Variants in ARMCX6 observed in about 807,000 individuals in gnomAD.
The protein encoded by ARMCX6 is protein ARMCX6.
For synonymous variants in ARMCX6, 85 were observed against 70.3 expected, an observed-to-expected ratio of 1.21 and a Z score of -1.05; for missense variants, 194 against 186.0, an observed-to-expected ratio of 1.04 and a Z score of -0.25.
rs782430383 is a variant in ARMCX6, at chrX:101,616,642, G to C, written c.-22C>G. The C allele has an allele frequency of 9.2e-6, 11 of 1,195,274 alleles. No homozygotes were observed. Among genetic ancestry groups the C allele is most frequent in the Admixed American group, 2.2e-5 (1 of 45,132 alleles). Reference sequence around the variant, plus strand: ...CCATGCTCAAGTCTGTGCCAGCCTTGGGGCAGGACAGGAGAGGGCCTTGCT... The same window carrying C: ...CCATGCTCAAGTCTGTGCCAGCCTTCGGGCAGGACAGGAGAGGGCCTTGCT... On this transcript the variant is annotated 5_prime_UTR_variant, in exon 3 of 3. Transcript: ENST00000361910.
At position 101,616,116 on chromosome X, in the gene ARMCX6, T is replaced by C. The variant is rs372992156; in HGVS notation, c.505A>G (p.Thr169Ala). Residue 169 changes from threonine to alanine, a missense_variant, in exon 3 of 3, where the codon ACT (threonine) becomes GCT (alanine). By Grantham distance (58) the Thr-to-Ala change is moderately conservative. Coordinates refer to ENST00000361910, the MANE Select transcript of ARMCX6 (RefSeq NM_019007.4). Reference protein sequence around the residue: ...SLSMARNTSPTPDPTVREALC... With the variant: ...SLSMARNTSPAPDPTVREALC... ...GCCTCTCTAACAGTGGGGTCTGGAGTGGGGCTCGTGTTTCTAGCCATTGAG... is the reference window on the plus strand; with the variant it reads ...GCCTCTCTAACAGTGGGGTCTGGAGCGGGGCTCGTGTTTCTAGCCATTGAG... 9.5e-5 allele frequency: 112 copies of C among 1,172,838 alleles called. No homozygotes were observed. The highest frequency in any genetic ancestry group is 1.2e-4 in the Non-Finnish European group (104 of 877,955).
Position 101,616,475 on chromosome X carries a change from T to C in ARMCX6, c.146A>G (p.Gln49Arg). 2 of 1,211,761 alleles carry C rather than the reference T, an allele frequency of 1.7e-6. No individual in the cohort carries two copies. Among genetic ancestry groups the C allele is most frequent in the Non-Finnish European group, 2.2e-6 (2 of 895,441 alleles). Residue 49 changes from glutamine (Q) to arginine (R), a missense_variant, in exon 3 of 3, where the codon CAG becomes CGG. Gln to Arg is a conservative substitution (Grantham distance 43). Transcript: ENST00000361910. ...EEGEEEWDDD[Q>R]ELDEEEPDIW... ...ATCAGGCTCCTCCTCATCCAGCTCC[T>C]GGTCATCGTCCCACTCCTCTTCCCC...
At position 101,616,143 on chromosome X, in the gene ARMCX6, G is replaced by A. The variant is rs1452916689; in HGVS notation, c.478C>T (p.Leu160Phe). 2 of 1,193,044 alleles carry A rather than the reference G, an allele frequency of 1.7e-6. No individual in the cohort carries two copies. The highest frequency in any genetic ancestry group is 1.9e-5 in the African/African-American group (1 of 52,534). ...SQDINSHLAS[L>F]SMARNTSPTP... ...GGGCTCGTGTTTCTAGCCATTGAGAGGCTGGCCAAATGGCTATTGATATCC... is the reference window on the plus strand; with the variant it reads ...GGGCTCGTGTTTCTAGCCATTGAGAAGCTGGCCAAATGGCTATTGATATCC... The change falls in exon 3 of 3, where the codon CTC (leucine) becomes TTC (phenylalanine). Residue 160 changes from leucine to phenylalanine, a missense_variant. Physicochemically the swap from Leu to Phe is conservative, Grantham distance 22 (BLOSUM62 0). Transcript: ENST00000361910.
rs781974632 is a variant in ARMCX6, at chrX:101,616,198, C to A, written c.423G>T (p.Glu141Asp). ...TAAATGGAAAGCCCGCATCCTTGGGCTCGGCAAACAACAGTTTTCCCTGAA... is the reference window on the plus strand; with the variant it reads ...TAAATGGAAAGCCCGCATCCTTGGGATCGGCAAACAACAGTTTTCCCTGAA... ...LFIQGKLLFA[E>D]PKDAGFPFSQ... The change falls in exon 3 of 3, where the codon GAG becomes GAT. Residue 141 changes from glutamate to aspartate, a missense_variant. Physicochemically the swap from Glu to Asp is conservative, Grantham distance 45. Transcript: ENST00000361910. The A allele has an allele frequency of 2.5e-6, 3 of 1,210,112 alleles. No individual in the cohort carries two copies. The highest frequency in any genetic ancestry group is 3.4e-6 in the Non-Finnish European group (3 of 895,202).
At chrX:101,616,789 G>A (rs1935824064) in intron 2 of ARMCX6, 23 bp from the exon 3 acceptor site, 5 of 943,044 alleles carry the variant, frequency 5.3e-6, no homozygotes, top group Non-Finnish European at 7.0e-6. Flanking sequence ...CAGAGTATTA[G>A]GGCTCGGGAC....
Position 101,616,321 on chromosome X carries a change from T to C in ARMCX6, c.300A>G (p.Ile100Met). The stretch of plus-strand genomic sequence containing the variant: ...GTTCATAGGGGAATGGCCGCTGTTT[T>C]ATTGGGTGTGCTCGGTTGGCCTTGC... ...GGGKANRAHPIKQRPFPYEHK... is the reference protein window; with the variant it reads ...GGGKANRAHPMKQRPFPYEHK... Residue 100 changes from isoleucine (I) to methionine (M), a missense_variant, in exon 3 of 3, where the codon ATA becomes ATG. Coordinates refer to ENST00000361910, the MANE Select transcript of ARMCX6 (RefSeq NM_019007.4). 7.4e-6 allele frequency: 9 copies of C among 1,211,876 alleles called. No homozygotes were observed. The highest frequency in any genetic ancestry group is 1.0e-5 in the Non-Finnish European group (9 of 895,556).
Position 101,616,836 on chromosome X carries a change from T to G in ARMCX6, c.-146-70A>C. On this transcript the variant is annotated intron_variant, in intron 2 of 2. Transcript: ENST00000361910. ...TTGTGCCTCACAGACAGGGTGGATT[T>G]CGAGTTGGTGATAAAGGCAGATTAA... 5.2e-6 allele frequency: 3 copies of G among 579,404 alleles called. No individual in the cohort carries two copies. In the South Asian group the frequency reaches 1.9e-4, roughly 36 times the overall value. The allele number at this position is 579,404 out of a possible 1,213,427, so 47.7% of individuals were successfully genotyped here. A position where few individuals can be genotyped will look rare whatever the true frequency, so the allele number is the denominator to read the frequency against.
rs1368009523 is a variant in ARMCX6 at position 101,616,566 on chromosome X, C to T, written c.55G>A (p.Gly19Ser). The part of the protein sequence containing the change: ...WMAAGLMIGA[G>S]ACYCVYKLTI... ...AGTTTGTAAACGCAGTAGCAGGCACCAGCCCCAATCATCAGTCCTGCCGCC... is the reference window on the plus strand; with the variant it reads ...AGTTTGTAAACGCAGTAGCAGGCACTAGCCCCAATCATCAGTCCTGCCGCC... Residue 19 changes from glycine (G) to serine (S), a missense_variant, in exon 3 of 3, where the codon GGT becomes AGT. Coordinates refer to ENST00000361910, the MANE Select transcript of ARMCX6 (RefSeq NM_019007.4). 62 of 1,210,568 alleles carry T rather than the reference C, an allele frequency of 5.1e-5. No homozygotes were observed. The highest frequency in any genetic ancestry group is 6.7e-5 in the Non-Finnish European group (60 of 895,284).
chrX:101,616,683 GGTCTCTCA>G lies in ARMCX6; in HGVS notation c.-71_-64del. 1 of 1,157,848 alleles carries G rather than the reference GGTCTCTCA, an allele frequency of 8.6e-7. No homozygotes were observed. On this transcript the variant is annotated 5_prime_UTR_variant, in exon 3 of 3. Coordinates refer to ENST00000361910, the MANE Select transcript of ARMCX6 (RefSeq NM_019007.4). ...GGGCCTTGCTCCACCTGATTGAAGA[GGTCTCTCA>G]GGTCCAGGGTGAGTAAGGATGGAGG...
chrX:101,615,947 A>G lies in ARMCX6; in HGVS notation c.674T>C (p.Met225Thr), dbSNP rs1556035548. ...QQAGLNLLIS[M>T]TVINNMLAKS... The stretch of plus-strand genomic sequence containing the variant: ...GGCAAGCATGTTATTAATAACTGTC[A>G]TGCTTATTAACAAATTTAATCCGGC... The change falls in exon 3 of 3, where the codon ATG (methionine) becomes ACG (threonine). Residue 225 changes from methionine to threonine, a missense_variant. Physicochemically the swap from Met to Thr is moderately conservative, Grantham distance 81. Transcript: ENST00000361910. 8.4e-6 allele frequency: 4 copies of G among 476,057 alleles called. No homozygotes were observed. The highest frequency in any genetic ancestry group is 3.2e-6 in the Non-Finnish European group (1 of 315,113). The allele number at this position is 476,057 out of a possible 1,213,427, so 39.2% of individuals were successfully genotyped here. A position where few individuals can be genotyped will look rare whatever the true frequency, so the allele number is the denominator to read the frequency against.
At position 101,616,404 on chromosome X, in the gene ARMCX6, C is replaced by T; in HGVS notation, c.217G>A (p.Gly73Arg). Residue 73 changes from glycine (G) to arginine (R), a missense_variant, in exon 3 of 3, where the codon GGG becomes AGG. Physicochemically the swap from Gly to Arg is moderately radical, Grantham distance 125 (BLOSUM62 -2). Transcript: ENST00000361910. ...GGGGCCCCAGGTTCAGTCCAATCCC[C>T]ATCCTCAGTCCAGGGCCGAGCCATA... is the stretch of plus-strand genomic sequence containing the variant. ...ETMARPWTED[G>R]DWTEPGAPGG... is the part of the protein sequence containing the mutation. 1 of 1,211,810 alleles carries T rather than the reference C, an allele frequency of 8.3e-7. No homozygotes were observed. Among genetic ancestry groups the T allele is most frequent in the Non-Finnish European group, 1.1e-6 (1 of 895,518 alleles).
At chrX:101,616,992 G>A in intron 2 of ARMCX6, 1 of 179,935 alleles carries the variant, frequency 5.6e-6, no homozygotes, top group Non-Finnish European at 1.0e-5. Context: ...GAGGGTGACA[G>A]TGTGAGTACC....
intron 2 of ARMCX6, 46 bp from the exon 3 acceptor site, chrX:101,616,812 T>A: frequency 2.7e-6 from 2 of 741,623 alleles, no homozygotes; most frequent in Non-Finnish European, 3.7e-6. Context: ...TGTTTGGCTT[T>A]GTGCCTCACA....
chrX:101,616,036 C>G lies in ARMCX6; in HGVS notation c.585G>C (p.Lys195Asn), dbSNP rs1322946358. The change falls in exon 3 of 3, where the codon AAG (lysine) becomes AAC (asparagine). Residue 195 changes from lysine (K) to asparagine (N), a missense_variant. Coordinates refer to ENST00000361910, the MANE Select transcript of ARMCX6 (RefSeq NM_019007.4). Reference sequence around the variant, plus strand: ...CCCGACACACTTCATTGATGTACATCTTAATCTGGCCCTGACTTTCAATAC... The same window carrying G: ...CCCGACACACTTCATTGATGTACATGTTAATCTGGCCCTGACTTTCAATAC... The part of the protein sequence containing the change: ...NASIESQGQI[K>N]MYINEVCRET... 1.0e-6 allele frequency: 1 copy of G among 979,426 alleles called. No homozygotes were observed. The highest frequency in any genetic ancestry group is 2.5e-5 in the African/African-American group (1 of 40,415). The allele number at this position is 979,426 out of a possible 1,213,427, so 80.7% of individuals were successfully genotyped here. A position where few individuals can be genotyped will look rare whatever the true frequency, so the allele number is the denominator to read the frequency against.
At chrX:101,617,268 A>C (rs1556036277) in intron 2 of ARMCX6, 1 of 111,911 alleles carries the variant, frequency 8.9e-6, no homozygotes, top group African/African-American at 3.3e-5. Context: ...CTTGAGTTTA[A>C]AATATTTCTC....
In ARMCX6 at chrX:101,616,607, C is replaced by T. The variant is rs781962965; in HGVS notation, c.14G>A (p.Arg5Gln). The T allele has an allele frequency of 2.5e-6, 3 of 1,207,954 alleles. No homozygotes were observed. Among genetic ancestry groups the T allele is most frequent in the Non-Finnish European group, 2.2e-6 (2 of 892,794 alleles). ...TCCTGCCGCCATCCAACCCACTTCC[C>T]GAGCCCGGCCCATGCTCAAGTCTGT... is the stretch of plus-strand genomic sequence containing the variant. MGRA[R>Q]EVGWMAAGLM... Residue 5 changes from arginine (R) to glutamine (Q), a missense_variant, in exon 3 of 3, where the codon CGG (arginine) becomes CAG (glutamine). Physicochemically the swap from Arg to Gln is conservative, Grantham distance 43. Transcript: ENST00000361910.
rs1478321463 is a variant in ARMCX6, at chrX:101,616,690, C to G, written c.-70G>C. 1.7e-6 allele frequency: 2 copies of G among 1,153,765 alleles called. No individual in the cohort carries two copies. The highest frequency in any genetic ancestry group is 2.3e-6 in the Non-Finnish European group (2 of 866,621). ...GCTCCACCTGATTGAAGAGGTCTCT[C>G]AGGTCCAGGGTGAGTAAGGATGGAG... On this transcript the variant is annotated 5_prime_UTR_variant, in exon 3 of 3. Coordinates refer to ENST00000361910, the MANE Select transcript of ARMCX6 (RefSeq NM_019007.4).
chrX:101,616,350 C>A lies in ARMCX6; in HGVS notation c.271G>T (p.Gly91Ter). 1 of 1,211,409 alleles carries A rather than the reference C, an allele frequency of 8.3e-7. No individual in the cohort carries two copies. The highest frequency in any genetic ancestry group is 1.1e-6 in the Non-Finnish European group (1 of 895,404). ...PGGTEDRPSG[G>*]GKANRAHPIK... The stretch of plus-strand genomic sequence containing the variant: ...GGGTGTGCTCGGTTGGCCTTGCCTC[C>A]CCCTGAGGGCCTGTCCTCAGTGCCA... Residue 91 changes from glycine (G) to a stop codon, truncating the protein, a stop_gained, in exon 3 of 3, where the codon GGA (glycine) becomes TGA (stop). Coordinates refer to ENST00000361910, the MANE Select transcript of ARMCX6 (RefSeq NM_019007.4). LOFTEE classifies it low-confidence loss of function (END_TRUNC).
rs1935819319 is a variant in ARMCX6 at position 101,616,621 on chromosome X, G to T, written c.-1C>A. On this transcript the variant is annotated 5_prime_UTR_variant, in exon 3 of 3. Coordinates refer to ENST00000361910, the MANE Select transcript of ARMCX6 (RefSeq NM_019007.4). ...AACCCACTTCCCGAGCCCGGCCCAT[G>T]CTCAAGTCTGTGCCAGCCTTGGGGC... 1.7e-6 allele frequency: 2 copies of T among 1,203,477 alleles called. No individual in the cohort carries two copies. Among genetic ancestry groups the T allele is most frequent in the South Asian group, 1.8e-5 (1 of 55,867 alleles).
Sources: allele counts gnomAD v4.1 joint callset, GRCh38; gene constraint gnomAD v4.1.1; transcripts MANE v1.5; gene names NCBI Gene and HGNC (gene_info 2026-07-23, HGNC 2026-07-21).